MARCHF4: variants seen among roughly 807,000 people sequenced by gnomAD.
The protein encoded by MARCHF4 is E3 ubiquitin-protein ligase MARCHF4.
Under a neutral mutation model 43.9 loss-of-function variants are expected in MARCHF4, and 14 were observed. The observed-to-expected ratio is 0.32, with a 90% CI of 0.21 to 0.50. MARCHF4 has a LOEUF of 0.50. Among genes scored for constraint, MARCHF4 ranks in the 20% least tolerant of loss-of-function variants. The pLI is 0.98. For synonymous variants in MARCHF4, 226 were observed against 213.3 expected, an observed-to-expected ratio of 1.06 and a Z score of -0.52; for missense variants, 468 against 536.7, an observed-to-expected ratio of 0.87 and a Z score of 1.27.
chr2:216,276,938 G>T (rs1286512875), intron 3 of MARCHF4, among the ~76,000 whole-genome samples: 3 of 152,218 alleles, frequency 2.0e-5, no homozygotes, highest in African/African-American at 4.8e-5. Flanking sequence ...GATGGGGTCA[G>T]AGAAGGAGCA....
At chr2:216,320,918 A>T (rs1274775880) in intron 1 of MARCHF4, among the ~76,000 whole-genome samples, 4 of 144,388 alleles carry the variant, frequency 2.8e-5, no homozygotes, top group Non-Finnish European at 4.5e-5. Flanking sequence ...TGACCTCGTG[A>T]TACACCTGCC....
intron 1 of MARCHF4, among the ~76,000 whole-genome samples, chr2:216,283,989 G>A (rs968960381): frequency 2.6e-5 from 4 of 152,130 alleles, no homozygotes; most frequent in Admixed American, 1.3e-4. Context: ...AATTACTAAG[G>A]TTCTACGAAC....
At chr2:216,299,105 T>C (rs1691442392) in intron 1 of MARCHF4, among the ~76,000 whole-genome samples, 1 of 150,536 alleles carries the variant, frequency 6.6e-6, no homozygotes, top group African/African-American at 2.5e-5. Context: ...ACATAGACAG[T>C]CTGGGATTTT....
At chr2:216,296,037 TA>T (rs1248194624) in intron 1 of MARCHF4, among the ~76,000 whole-genome samples, 4 of 152,250 alleles carry the variant, frequency 2.6e-5, no homozygotes, top group Non-Finnish European at 4.4e-5. Context: ...TCCCAGCTAC[TA>T]GGGGGGTTGA....
At chr2:216,266,864 G>A (rs111764336) in intron 3 of MARCHF4, among the ~76,000 whole-genome samples, 205 of 152,336 alleles carry the variant, frequency 1.3e-3, no homozygotes, top group Non-Finnish European at 2.4e-3. Context: ...TCTCCAGGGT[G>A]CAGCTTTATA....
chr2:216,300,348 A>ACACATATATATACGTATATATG (rs1463914310), intron 1 of MARCHF4, among the ~76,000 whole-genome samples: 1 of 120,578 alleles, frequency 8.3e-6, no homozygotes, highest in African/African-American at 2.9e-5. Flanking sequence ...ATATATATAT[A>ACACATATATATACGTATATATG]TGTATATATA....
At chr2:216,339,531 C>T (rs1692207476) in intron 1 of MARCHF4, among the ~76,000 whole-genome samples, 1 of 152,200 alleles carries the variant, frequency 6.6e-6, no homozygotes. Context: ...TTCATTCTTT[C>T]CTCTCCTCTA....
intron 3 of MARCHF4, chr2:216,259,909 G>A (rs1037554294): frequency 2.4e-5 from 13 of 543,608 alleles, no homozygotes; most frequent in East Asian, 1.8e-4. Flanking sequence ...CAGTGCCTTC[G>A]CCCACTTCTA....
At chr2:216,285,046 C>T (rs1023824991) in intron 1 of MARCHF4, among the ~76,000 whole-genome samples, 74 of 152,292 alleles carry the variant, frequency 4.9e-4, no homozygotes, top group African/African-American at 1.7e-3. Context: ...TGTCTACCCA[C>T]GAGAGGAGCC....
rs1230706015 is a variant in MARCHF4 at position 216,370,047 on chromosome 2, C to CG, written c.213dup (p.Gly72ArgfsTer47). The CG allele has an allele frequency of 3.2e-6, 5 of 1,554,222 alleles. No homozygotes were observed. The highest frequency in any genetic ancestry group is 2.4e-5 in the East Asian group (1 of 41,708). On this transcript the variant is annotated frameshift_variant, in exon 1 of 4. Transcript: ENST00000273067. LOFTEE classifies it high-confidence loss of function. Reference sequence around the variant, plus strand: ...GGAAGGGTGTTGTTGGCCGCCAAACCGGGGGGCTGGGGGTCGCCGTGCATG... The same window carrying CG: ...GGAAGGGTGTTGTTGGCCGCCAAACCGGGGGGGCTGGGGGTCGCCGTGCATG...
intron 1 of MARCHF4, among the ~76,000 whole-genome samples, chr2:216,321,261 C>A (rs1017359119): frequency 6.6e-6 from 1 of 152,056 alleles, no homozygotes; most frequent in Non-Finnish European, 1.5e-5. Flanking sequence ...ATGTGCCAGG[C>A]AATAGGAATG....
chr2:216,348,194 C>T (rs377612044), intron 1 of MARCHF4, among the ~76,000 whole-genome samples: 1 of 151,986 alleles, frequency 6.6e-6, no homozygotes, highest in African/African-American at 2.4e-5. Flanking sequence ...TGCATCACCA[C>T]ACCAGGCTAA....
intron 1 of MARCHF4, among the ~76,000 whole-genome samples, chr2:216,346,843 A>T (rs1160963149): frequency 6.6e-6 from 1 of 152,208 alleles, no homozygotes; most frequent in South Asian, 2.1e-4. Context: ...CTGTGTCCCC[A>T]TTCAAATCTC....
rs554853811 is a variant in MARCHF4 at position 216,287,711 on chromosome 2, T to C, written c.517-3982A>G. On this transcript the variant is annotated intron_variant, in intron 1 of 3. Coordinates refer to ENST00000273067, the MANE Select transcript of MARCHF4 (RefSeq NM_020814.3). Reference sequence around the variant, plus strand: ...CTAAACGACGAGTTAATGGGTGCAGTACACCAACATGGCACACGTATACAT... The same window carrying C: ...CTAAACGACGAGTTAATGGGTGCAGCACACCAACATGGCACACGTATACAT... 1.5e-4 allele frequency among the ~76,000 whole-genome samples: 23 copies of C among 150,974 alleles called. No homozygotes were observed. The South Asian group carries it at 3.8e-3, about 25-fold the overall frequency.
chr2:216,299,305 C>T (rs1691449929), intron 1 of MARCHF4, among the ~76,000 whole-genome samples: 1 of 152,188 alleles, frequency 6.6e-6, no homozygotes. Context: ...GGTGTTTTGC[C>T]TTCTCCGTGG....
intron 3 of MARCHF4, among the ~76,000 whole-genome samples, chr2:216,273,963 G>A (rs1445167058): frequency 6.6e-6 from 1 of 152,190 alleles, no homozygotes; most frequent in Non-Finnish European, 1.5e-5. Flanking sequence ...CTGCACCCTG[G>A]GTTGGCATTC....
intron 1 of MARCHF4, among the ~76,000 whole-genome samples, chr2:216,296,423 C>T (rs1691395907): frequency 6.6e-6 from 1 of 152,202 alleles, no homozygotes; most frequent in Admixed American, 6.5e-5. Flanking sequence ...CCTAAGGACT[C>T]ACCCCTCCCC....
At chr2:216,275,991 A>T (rs1691016224) in intron 3 of MARCHF4, among the ~76,000 whole-genome samples, 1 of 152,230 alleles carries the variant, frequency 6.6e-6, no homozygotes, top group Non-Finnish European at 1.5e-5. Flanking sequence ...ACCAGAAGTT[A>T]AGCCCAGCCA....
chr2:216,268,016 C>T (rs1475881794), intron 3 of MARCHF4, among the ~76,000 whole-genome samples: 4 of 152,178 alleles, frequency 2.6e-5, no homozygotes, highest in African/African-American at 9.7e-5. Flanking sequence ...ATCTAGAAAA[C>T]CAGATAAGCT....
Sources: gnomAD v4.1 joint callset for allele counts (sites outside exome capture counted in the v4.1 genomes callset) on GRCh38, gnomAD v4.1.1 for gene constraint, MANE v1.5 for transcripts, NCBI Gene and HGNC (gene_info 2026-07-23, HGNC 2026-07-21) for gene names.